RUNX1: variants seen among roughly 807,000 people sequenced by gnomAD.
RUNX1 encodes the protein RUNX family transcription factor 1, also known as runt-related transcription factor 1.
In RUNX1, 19 loss-of-function variants were observed where a neutral mutation model predicts 42.8. The ratio of observed to expected loss-of-function variants is 0.44; its 90% CI spans 0.31 to 0.65. The LOEUF (loss-of-function observed/expected upper bound fraction) is 0.65, where lower values mean the gene tolerates loss of function less well. Ranked by LOEUF, RUNX1 falls within the 30% of genes least tolerant of loss-of-function variation. The pLI is 0.07. For synonymous variants in RUNX1, 271 were observed against 289.4 expected, an observed-to-expected ratio of 0.94 and a Z score of 0.64; for missense variants, 528 against 672.0, an observed-to-expected ratio of 0.79 and a Z score of 2.37.
At chr21:34,851,586 A>G (rs948574692) in intron 6 of RUNX1, among the ~76,000 whole-genome samples, 2 of 152,024 alleles carry the variant, frequency 1.3e-5, no homozygotes, top group African/African-American at 4.8e-5. Flanking sequence ...AAATGCAGAC[A>G]GGGTTTTTTT....
At chr21:34,795,199 C>T (rs149232685) in intron 8 of RUNX1, among the ~76,000 whole-genome samples, 6 of 152,304 alleles carry the variant, frequency 3.9e-5, no homozygotes, top group Admixed American at 2.6e-4. Flanking sequence ...TAGAGAAAGT[C>T]GACAGAGCCA....
chr21:34,934,230 C>T (rs1392256522), intron 2 of RUNX1, among the ~76,000 whole-genome samples: 1 of 152,048 alleles, frequency 6.6e-6, no homozygotes, highest in Non-Finnish European at 1.5e-5. Flanking sequence ...GTTGCCCCAC[C>T]CCAAAAAGCA....
intron 3 of RUNX1, among the ~76,000 whole-genome samples, chr21:34,889,462 G>T (rs1467047689): frequency 6.6e-6 from 1 of 152,124 alleles, no homozygotes; most frequent in African/African-American, 2.4e-5. Context: ...AGCGGCCAGC[G>T]AAGAGTTTCC....
At chr21:34,957,318 A>C (rs1569124212) in intron 2 of RUNX1, among the ~76,000 whole-genome samples, 1 of 152,192 alleles carries the variant, frequency 6.6e-6, no homozygotes, top group Non-Finnish European at 1.5e-5. Context: ...GGAAATATAA[A>C]TGTTTGTGAC....
intron 6 of RUNX1, among the ~76,000 whole-genome samples, chr21:34,856,945 T>G (rs2057502479): frequency 6.6e-6 from 1 of 152,188 alleles, no homozygotes; most frequent in Non-Finnish European, 1.5e-5. Flanking sequence ...CCACCCTGAA[T>G]GAAGACGTTC....
chr21:34,806,790 GATTTA>G (rs1188376449), intron 7 of RUNX1, among the ~76,000 whole-genome samples: 1 of 151,870 alleles, frequency 6.6e-6, no homozygotes, highest in Non-Finnish European at 1.5e-5. Flanking sequence ...AGACCACATG[GATTTA>G]AATTAAAAAG....
intron 7 of RUNX1, among the ~76,000 whole-genome samples, chr21:34,802,005 A>G (rs1043853423): frequency 3.9e-5 from 6 of 152,038 alleles, no homozygotes; most frequent in Non-Finnish European, 7.4e-5. Context: ...AATCCTTTCC[A>G]ATGGTGACAG....
chr21:34,821,808 G>A, intron 7 of RUNX1: 1 of 872,814 alleles, frequency 1.1e-6, no homozygotes. Flanking sequence ...ATCAAATGAG[G>A]AAATCAGGAA....
chr21:34,852,583 A>G (rs2057437367), intron 6 of RUNX1, among the ~76,000 whole-genome samples: 1 of 152,240 alleles, frequency 6.6e-6, no homozygotes, highest in Non-Finnish European at 1.5e-5. Flanking sequence ...AGAAGGAATT[A>G]AAAGTACCAG....
intron 2 of RUNX1, among the ~76,000 whole-genome samples, chr21:35,023,167 C>G (rs1214463064): frequency 6.6e-6 from 1 of 152,110 alleles, no homozygotes; most frequent in Non-Finnish European, 1.5e-5. Flanking sequence ...TGGTCTCAAA[C>G]TCCTGGGCTC....
intron 2 of RUNX1, among the ~76,000 whole-genome samples, chr21:34,989,324 C>T (rs1018426803): frequency 6.6e-6 from 1 of 151,928 alleles, no homozygotes; most frequent in Non-Finnish European, 1.5e-5. Context: ...TCTCTTTATA[C>T]TGATCTTTGC....
At chr21:34,957,673 A>G (rs1183511526) in intron 2 of RUNX1, among the ~76,000 whole-genome samples, 1 of 152,164 alleles carries the variant, frequency 6.6e-6, no homozygotes, top group Non-Finnish European at 1.5e-5. Flanking sequence ...ACACATCATG[A>G]TGATATTCAC....
chr21:34,836,539 T>C (rs867576410), intron 6 of RUNX1, among the ~76,000 whole-genome samples: 2 of 152,184 alleles, frequency 1.3e-5, no homozygotes, highest in African/African-American at 2.4e-5. Context: ...ACAATTCCAA[T>C]GGAACAACCA....
chr21:35,026,478 A>G (rs1200558835), intron 2 of RUNX1, among the ~76,000 whole-genome samples: 1 of 152,244 alleles, frequency 6.6e-6, no homozygotes, highest in African/African-American at 2.4e-5. Context: ...TTTTGGCATT[A>G]CAGGCCTCAT....
chr21:34,889,054 C>T (rs1466638695), intron 3 of RUNX1, among the ~76,000 whole-genome samples: 1 of 151,334 alleles, frequency 6.6e-6, no homozygotes, highest in Admixed American at 6.6e-5. Flanking sequence ...CAGGCCCCGC[C>T]GGCCCGAGGA....
At chr21:34,942,145 G>A (rs940089557) in intron 2 of RUNX1, among the ~76,000 whole-genome samples, 6 of 152,070 alleles carry the variant, frequency 3.9e-5, no homozygotes, top group Non-Finnish European at 7.4e-5. Flanking sequence ...ATCATTCCCC[G>A]AGGTTCCGCC....
chr21:34,832,141 G>A (rs1462232562), intron 7 of RUNX1, among the ~76,000 whole-genome samples: 3 of 152,106 alleles, frequency 2.0e-5, no homozygotes, highest in Non-Finnish European at 2.9e-5. Context: ...AAGTTTTCAA[G>A]AGGAACAAAA....
At chr21:34,897,459 G>A (rs150768282) in intron 2 of RUNX1, among the ~76,000 whole-genome samples, 19 of 152,306 alleles carry the variant, frequency 1.2e-4, no homozygotes, top group Non-Finnish European at 2.6e-4. Context: ...CCTCATCTTG[G>A]AGGGGGGCAG....
intron 4 of RUNX1, among the ~76,000 whole-genome samples, chr21:34,882,992 A>C (rs1441234967): frequency 3.3e-5 from 5 of 152,246 alleles, no homozygotes; most frequent in African/African-American, 1.2e-4. Flanking sequence ...GTGAAAATAA[A>C]TAAATCTTCT....
Sources: gnomAD v4.1 joint callset for allele counts (sites outside exome capture counted in the v4.1 genomes callset) on GRCh38, gnomAD v4.1.1 for gene constraint, MANE v1.5 for transcripts, NCBI Gene and HGNC (gene_info 2026-07-23, HGNC 2026-07-21) for gene names.